Variants in ZNF277 observed in about 807,000 individuals in gnomAD.
ZNF277 encodes the protein zinc finger protein 277, also known as nuclear receptor-interacting factor 4.
Under a neutral mutation model 60.7 loss-of-function variants are expected in ZNF277, and 55 were observed. The observed-to-expected ratio is 0.91, with a 90% confidence interval of 0.73 to 1.13. The LOEUF (loss-of-function observed/expected upper bound fraction) is 1.13. Ranked by LOEUF, ZNF277 falls within the 50% of genes most tolerant of loss-of-function variation. The pLI is 0.00. For missense variants in ZNF277, 510 were observed against 523.0 expected, an observed-to-expected ratio of 0.98 and a Z score of 0.24; for synonymous variants, 178 against 179.3, an observed-to-expected ratio of 0.99 and a Z score of 0.06.
intron 1 of ZNF277, among the ~76,000 whole-genome samples, chr7:112,216,888 T>A (rs992555023): frequency 6.6e-6 from 1 of 152,214 alleles, no homozygotes; most frequent in East Asian, 1.9e-4. Flanking sequence ...CTGCAGTAGA[T>A]GTCTTCTGGG....
chr7:112,340,973 G>A lies in ZNF277; in HGVS notation c.1111G>A (p.Asp371Asn), dbSNP rs373354335. 1 of 1,612,040 alleles carries A rather than the reference G, an allele frequency of 6.2e-7. No homozygotes were observed. The highest frequency in any genetic ancestry group is 8.5e-7 in the Non-Finnish European group (1 of 1,179,342). The change falls in exon 11 of 12, where the codon GAC (aspartate) becomes AAC (asparagine). Residue 371 changes from aspartate to asparagine, a missense_variant. Asp to Asn is a conservative substitution (Grantham distance 23). Coordinates refer to ENST00000361822, the MANE Select transcript of ZNF277 (RefSeq NM_021994.3). ...CCATGTGAAGTTCAAATCCAAAGCAGACTTAAGAACTCACATGGAAGAAAC... is the reference window on the plus strand; with the variant it reads ...CCATGTGAAGTTCAAATCCAAAGCAAACTTAAGAACTCACATGGAAGAAAC... ...GCHVKFKSKA[D>N]LRTHMEETKH...
chr7:112,253,062 A>G (rs1007746196), intron 1 of ZNF277, among the ~76,000 whole-genome samples: 2 of 152,210 alleles, frequency 1.3e-5, no homozygotes, highest in Admixed American at 6.5e-5. Context: ...GGTATGTTTA[A>G]CAAGGAATGC....
chr7:112,260,251 G>A (rs1237311368), intron 1 of ZNF277, among the ~76,000 whole-genome samples: 1 of 152,182 alleles, frequency 6.6e-6, no homozygotes, highest in Non-Finnish European at 1.5e-5. Flanking sequence ...AGTGATAGGA[G>A]TGAGACCCTG....
chr7:112,285,271 C>G lies in ZNF277; in HGVS notation c.92-1602C>G, dbSNP rs962982691. Among the ~76,000 whole-genome samples, 13 of 151,936 alleles carry G rather than the reference C, an allele frequency of 8.6e-5. 1 individual carries two copies. The highest frequency in any genetic ancestry group is 1.8e-4 in the Non-Finnish European group (12 of 67,980). On this transcript the variant is annotated intron_variant, in intron 1 of 11. Coordinates refer to ENST00000361822, the MANE Select transcript of ZNF277 (RefSeq NM_021994.3). Reference sequence around the variant, plus strand: ...GGTCTTGATCTCTTGACCTTGTGATCTGCCCGCCTCTGCCTCCCAAAGTGC... The same window carrying G: ...GGTCTTGATCTCTTGACCTTGTGATGTGCCCGCCTCTGCCTCCCAAAGTGC...
rs187889926 is a variant in ZNF277, at chr7:112,263,434, A to G, written c.92-23439A>G. The stretch of plus-strand genomic sequence containing the variant: ...TAACAATAATAAAACTGCCTTCCTC[A>G]TAGGACATTTCTGATAATTAAATCA... On this transcript the variant is annotated intron_variant, in intron 1 of 11. Transcript: ENST00000361822. Among the ~76,000 whole-genome samples the G allele has an allele frequency of 4.2e-4, 64 of 152,338 alleles. 1 individual carries two copies. Among genetic ancestry groups the G allele is most frequent in the Admixed American group, 3.3e-3 (50 of 15,302 alleles).
At chr7:112,286,622 G>T (rs1276089128) in intron 1 of ZNF277, among the ~76,000 whole-genome samples, 1 of 152,076 alleles carries the variant, frequency 6.6e-6, no homozygotes, top group Non-Finnish European at 1.5e-5. Context: ...CTGACAAATG[G>T]GTTTCCCCCA....
rs1465652784 is a variant in ZNF277, at chr7:112,306,166, C to T, written c.465+9855C>T. 2.0e-5 allele frequency among the ~76,000 whole-genome samples: 3 copies of T among 150,516 alleles called. 1 individual carries two copies. The highest frequency in any genetic ancestry group is 4.4e-5 in the Non-Finnish European group (3 of 67,752). ...TCCTAAATTCTAAACTGTTTTAGAA[C>T]TGCTTGCTCTTTAAGGTTTTCTCTC... On this transcript the variant is annotated intron_variant, in intron 4 of 11. Transcript: ENST00000361822.
chr7:112,254,538 A>T (rs2117014140), intron 1 of ZNF277, among the ~76,000 whole-genome samples: 1 of 152,326 alleles, frequency 6.6e-6, no homozygotes, highest in East Asian at 1.9e-4. Flanking sequence ...ATGGCCTCTA[A>T]GTTTATTTAT....
chr7:112,315,590 G>T (rs577714950), intron 4 of ZNF277, among the ~76,000 whole-genome samples: 1 of 152,206 alleles, frequency 6.6e-6, no homozygotes, highest in East Asian at 1.9e-4. Flanking sequence ...TCACAGCAAA[G>T]ACCCTGTATC....
chr7:112,262,461 AT>A (rs1292070675), intron 1 of ZNF277, among the ~76,000 whole-genome samples: 1 of 152,072 alleles, frequency 6.6e-6, no homozygotes, highest in Non-Finnish European at 1.5e-5. Context: ...TTTAGATTCA[AT>A]TTTTATAGGG....
intron 1 of ZNF277, among the ~76,000 whole-genome samples, chr7:112,228,033 C>T (rs982793306): frequency 1.3e-5 from 2 of 151,984 alleles, no homozygotes; most frequent in African/African-American, 4.8e-5. Flanking sequence ...AAGATGTCAG[C>T]AGGGCTACGC....
chr7:112,264,379 C>G (rs1791499841), intron 1 of ZNF277, among the ~76,000 whole-genome samples: 1 of 152,052 alleles, frequency 6.6e-6, no homozygotes, highest in Non-Finnish European at 1.5e-5. Context: ...AATAATTTGT[C>G]TCAAGAAAAT....
At chr7:112,231,074 C>T (rs765204701) in intron 1 of ZNF277, among the ~76,000 whole-genome samples, 8 of 152,002 alleles carry the variant, frequency 5.3e-5, no homozygotes, top group South Asian at 2.1e-4. Flanking sequence ...ATTAGCTGGG[C>T]GTGGTGGCAG....
At chr7:112,295,982 C>G (rs770168522) in intron 3 of ZNF277, 25 bp downstream of exon 3, 21 of 1,507,556 alleles carry the variant, frequency 1.4e-5, no homozygotes, top group Non-Finnish European at 1.8e-5. Context: ...TGGCTACCAT[C>G]TTTTCCCTAC....
chr7:112,309,492 C>G (rs1354503677), intron 4 of ZNF277, among the ~76,000 whole-genome samples: 2 of 151,930 alleles, frequency 1.3e-5, no homozygotes, highest in Non-Finnish European at 2.9e-5. Context: ...CCCCACCCCT[C>G]TGTACCGTTT....
At chr7:112,207,149 C>T (rs1357337307) in intron 1 of ZNF277, among the ~76,000 whole-genome samples, 1 of 152,180 alleles carries the variant, frequency 6.6e-6, no homozygotes, top group Non-Finnish European at 1.5e-5. Context: ...ATCTGGTTCG[C>T]GCGCGTGTGT....
chr7:112,286,784 A>T lies in ZNF277; in HGVS notation c.92-89A>T, dbSNP rs868219950. The stretch of plus-strand genomic sequence containing the variant: ...ATGTAAATATCTTTAGGATCTTTTT[A>T]ATGCAGGAGGTGGGAAATCATCCAT... On this transcript the variant is annotated intron_variant, in intron 1 of 11. Coordinates refer to ENST00000361822, the MANE Select transcript of ZNF277 (RefSeq NM_021994.3). 14 of 1,092,926 alleles carry T rather than the reference A, an allele frequency of 1.3e-5. No homozygotes were observed. The African/African-American group carries it at 2.3e-4, about 18-fold the overall frequency. The allele number at this position is 1,092,926 out of a possible 1,614,324, so 67.7% of individuals were successfully genotyped here. A position where few individuals can be genotyped will look rare whatever the true frequency, so the allele number is the denominator to read the frequency against.
At chr7:112,212,041 A>G (rs1335756124) in intron 1 of ZNF277, among the ~76,000 whole-genome samples, 1 of 152,278 alleles carries the variant, frequency 6.6e-6, no homozygotes, top group African/African-American at 2.4e-5. Context: ...TGTGAAAGGT[A>G]TGCATACCAA....
intron 4 of ZNF277, among the ~76,000 whole-genome samples, chr7:112,314,293 A>G (rs1406742652): frequency 6.6e-6 from 1 of 152,150 alleles, no homozygotes; most frequent in Non-Finnish European, 1.5e-5. Context: ...CCACAAAGAT[A>G]CAGCATTTGA....
Sources: allele counts gnomAD v4.1 joint callset (sites outside exome capture counted in the v4.1 genomes callset), GRCh38; gene constraint gnomAD v4.1.1; transcripts MANE v1.5; gene names NCBI Gene and HGNC (gene_info 2026-07-23, HGNC 2026-07-21).